The following PFKFB3 variants were observed in gnomAD, a reference collection of about 807,000 sequenced individuals.
PFKFB3 encodes 6-phosphofructo-2-kinase/fructose-2,6-biphosphatase 3.
A neutral mutation model predicts 68.0 loss-of-function variants in PFKFB3; 33 were observed. The observed-to-expected ratio is 0.49, with a 90% CI of 0.37 to 0.65. PFKFB3 has a LOEUF of 0.65. Among genes scored for constraint, PFKFB3 ranks in the 30% least tolerant of loss-of-function variants. PFKFB3 has a pLI of 0.00. For synonymous variants in PFKFB3, 315 were observed against 288.2 expected, an observed-to-expected ratio of 1.09 and a Z score of -0.94; for missense variants, 586 against 712.2, an observed-to-expected ratio of 0.82 and a Z score of 2.02.
chr10:6,192,026 T>G (rs1843037190), intron 1 of PFKFB3, among the ~76,000 whole-genome samples: 1 of 152,050 alleles, frequency 6.6e-6, no homozygotes, highest in African/African-American at 2.4e-5. Flanking sequence ...AGTATTTTTT[T>G]TAACTATCCA....
chr10:6,179,518 C>T (rs1842642894), intron 1 of PFKFB3, among the ~76,000 whole-genome samples: 1 of 152,138 alleles, frequency 6.6e-6, no homozygotes, highest in Non-Finnish European at 1.5e-5. Context: ...CAGGCGTTTC[C>T]CTAGCGAGCC....
At chr10:6,311,578 G>A in the PFKFB3 span, among the ~76,000 whole-genome samples, 3 of 152,012 alleles carry the variant, frequency 2.0e-5, no homozygotes, top group East Asian at 1.9e-4. Context: ...GTGAAACCCC[G>A]TCTATACTAA....
the PFKFB3 span, among the ~76,000 whole-genome samples, chr10:6,312,448 A>T: frequency 3.9e-5 from 6 of 152,300 alleles, no homozygotes; most frequent in South Asian, 1.0e-3. Flanking sequence ...GTGTGCCAAG[A>T]ATGGGGCCGT....
At chr10:6,287,309 T>C in the PFKFB3 span, among the ~76,000 whole-genome samples, 1 of 152,042 alleles carries the variant, frequency 6.6e-6, no homozygotes, top group Non-Finnish European at 1.5e-5. Flanking sequence ...GGGCTAGTCT[T>C]GAACTCCTGA....
chr10:6,213,337 C>G (rs982932796), intron 1 of PFKFB3, among the ~76,000 whole-genome samples: 2 of 152,040 alleles, frequency 1.3e-5, no homozygotes, highest in African/African-American at 4.8e-5. Flanking sequence ...CTGGGCAACA[C>G]AGCGAGACCC....
chr10:6,277,196 G>T, the PFKFB3 span, among the ~76,000 whole-genome samples: 1 of 151,726 alleles, frequency 6.6e-6, no homozygotes, highest in Admixed American at 6.6e-5. Context: ...TCATGGGGAT[G>T]GTTTCTTTTT....
chr10:6,174,907 C>T (rs1303198231), intron 1 of PFKFB3, among the ~76,000 whole-genome samples: 1 of 151,920 alleles, frequency 6.6e-6, no homozygotes, highest in Non-Finnish European at 1.5e-5. Flanking sequence ...CCTCCACCTC[C>T]CAGGTTCAAG....
the PFKFB3 span, among the ~76,000 whole-genome samples, chr10:6,289,923 C>G: frequency 6.6e-6 from 1 of 152,064 alleles, no homozygotes; most frequent in Non-Finnish European, 1.5e-5. Flanking sequence ...CCTTCACGTC[C>G]CTTGTAAGTT....
At chr10:6,317,465 G>T in the PFKFB3 span, among the ~76,000 whole-genome samples, 1 of 152,176 alleles carries the variant, frequency 6.6e-6, no homozygotes, top group Non-Finnish European at 1.5e-5. Flanking sequence ...CAATTTTCAG[G>T]TTTCTTCCTA....
chr10:6,302,275 G>A, the PFKFB3 span, among the ~76,000 whole-genome samples: 3 of 149,714 alleles, frequency 2.0e-5, no homozygotes, highest in African/African-American at 5.0e-5. Flanking sequence ...GGCTGGTCTC[G>A]AACTCCTGAC....
the PFKFB3 span, among the ~76,000 whole-genome samples, chr10:6,262,115 C>T: frequency 0.56 from 84,981 of 151,638 alleles, 24,928 homozygotes; most frequent in Non-Finnish European, 0.67. Context: ...AGTTTACCTA[C>T]CTAACAAACC....
the PFKFB3 span, among the ~76,000 whole-genome samples, chr10:6,297,621 G>T: frequency 6.6e-6 from 1 of 152,198 alleles, no homozygotes; most frequent in Non-Finnish European, 1.5e-5. Context: ...CCCATGAGGG[G>T]TACGTGGAGG....
intron 10 of PFKFB3, among the ~76,000 whole-genome samples, chr10:6,222,502 C>T (rs1008632128): frequency 6.6e-6 from 1 of 152,262 alleles, no homozygotes; most frequent in Non-Finnish European, 1.5e-5. Flanking sequence ...GGAGCCGCTC[C>T]CGCCTGCCCG....
chr10:6,219,878 C>G (rs1844834357), intron 7 of PFKFB3, among the ~76,000 whole-genome samples, 185 bp downstream of exon 7: 1 of 151,984 alleles, frequency 6.6e-6, no homozygotes, highest in African/African-American at 2.4e-5. Flanking sequence ...CTCAGGTGAT[C>G]CACATACAGC....
At chr10:6,294,252 G>T in the PFKFB3 span, 5 of 529,530 alleles carry the variant, frequency 9.4e-6, no homozygotes, top group African/African-American at 7.7e-5. Flanking sequence ...GGCAGGGTTT[G>T]CAGCAAAAGC....
the PFKFB3 span, among the ~76,000 whole-genome samples, chr10:6,303,906 AGCT>A: frequency 2.0e-5 from 3 of 152,092 alleles, no homozygotes; most frequent in African/African-American, 7.2e-5. Context: ...CCCATCTCTT[AGCT>A]GAAGCTTCTA....
At chr10:6,189,044 T>C (rs1447139038) in intron 1 of PFKFB3, among the ~76,000 whole-genome samples, 2 of 152,144 alleles carry the variant, frequency 1.3e-5, no homozygotes, top group Non-Finnish European at 2.9e-5. Flanking sequence ...TTTCACTGTG[T>C]TAGCCAGGAT....
At chr10:6,247,452 A>G (rs2132078721) in intron 14 of PFKFB3, among the ~76,000 whole-genome samples, 1 of 152,378 alleles carries the variant, frequency 6.6e-6, no homozygotes, top group Admixed American at 6.5e-5. Context: ...AGGCAGTGAC[A>G]TCCATCCGCC....
rs1203044451 is a variant in PFKFB3 at position 6,221,363 on chromosome 10, C to G, written c.832-18C>G. 6.2e-7 allele frequency: 1 copy of G among 1,613,184 alleles called. No individual in the cohort carries two copies. Among genetic ancestry groups the G allele is most frequent in the African/African-American group, 1.3e-5 (1 of 75,000 alleles). On this transcript the variant is annotated intron_variant, in intron 8 of 14. Coordinates refer to ENST00000379775, the MANE Select transcript of PFKFB3 (RefSeq NM_004566.4). ...TGCGGGCATCTGGAATCAGTGGTCC[C>G]CCTCCACCACCTCTCAGTTTGCCAG...
Sources: allele counts gnomAD v4.1 joint callset (sites outside exome capture counted in the v4.1 genomes callset), GRCh38; gene constraint gnomAD v4.1.1; transcripts MANE v1.5; gene names NCBI Gene and HGNC (gene_info 2026-07-23, HGNC 2026-07-21).